SLC12A2: variants seen among roughly 807,000 people sequenced by gnomAD.
SLC12A2 encodes Na-K-2Cl cotransporter 1.
Under a neutral mutation model 136.3 loss-of-function variants are expected in SLC12A2, and 67 were observed. The observed-to-expected ratio is 0.49, with a 90% CI of 0.40 to 0.60. The LOEUF is 0.60. SLC12A2 is among the 20% of genes least tolerant of loss of function. The pLI is 0.00. For missense variants in SLC12A2, 1,322 were observed against 1,534.7 expected (o/e 0.86, Z 2.32); for synonymous variants, 619 against 562.9 (o/e 1.10, Z -1.41).
rs70997362 is a variant in SLC12A2 at position 128,102,596 on chromosome 5, C to CTTTTTTTTTTTTTTTTTTTTTTTT, written c.757-10210_757-10187dup. Among the ~76,000 whole-genome samples, 3 of 40,464 alleles carry CTTTTTTTTTTTTTTTTTTTTTTTT rather than the reference C, an allele frequency of 7.4e-5. 1 individual carries two copies. Among genetic ancestry groups the CTTTTTTTTTTTTTTTTTTTTTTTT allele is most frequent in the Non-Finnish European group, 1.5e-4 (3 of 20,548 alleles). The allele number at this position is 40,464 out of a possible 152,430, so 26.5% of individuals were successfully genotyped here. ...TTCTGTAATTCACCCCCCCCCCCGCCTTTTTTTTTTTTTTTTTTTTTTTTT... is the reference window on the plus strand; with the variant it reads ...TTCTGTAATTCACCCCCCCCCCCGCCTTTTTTTTTTTTTTTTTTTTTTTTTTTTTTTTTTTTTTTTTTTTTTTTT... On this transcript the variant is annotated intron_variant, in intron 1 of 26. Transcript: ENST00000262461.
At chr5:128,151,139 C>T (rs1581114894) in intron 13 of SLC12A2, 102 bp from the exon 14 acceptor site, 7 of 969,136 alleles carry the variant, frequency 7.2e-6, no homozygotes, top group Admixed American at 2.7e-5. Flanking sequence ...AAAGTCCTCT[C>T]AGTGTGGCAA....
chr5:128,122,745 C>A (rs1007675562), intron 4 of SLC12A2, among the ~76,000 whole-genome samples: 2 of 152,046 alleles, frequency 1.3e-5, no homozygotes, highest in African/African-American at 4.8e-5. Context: ...TTTGAAAAAT[C>A]AGATTATCAT....
intron 1 of SLC12A2, among the ~76,000 whole-genome samples, chr5:128,089,880 T>C (rs1760247256): frequency 6.6e-6 from 1 of 152,184 alleles, no homozygotes; most frequent in African/African-American, 2.4e-5. Context: ...ATCATTTCAG[T>C]GTATAGCTTT....
intron 9 of SLC12A2, 45 bp from the exon 10 acceptor site, chr5:128,141,785 A>T: frequency 2.6e-6 from 4 of 1,531,428 alleles, no homozygotes; most frequent in Non-Finnish European, 3.5e-6. Context: ...TCTGAAATGA[A>T]TGTAGATATT....
intron 20 of SLC12A2, among the ~76,000 whole-genome samples, chr5:128,175,938 T>C (rs1191425617): frequency 1.3e-5 from 2 of 152,048 alleles, no homozygotes; most frequent in African/African-American, 4.8e-5. Context: ...TAATGATTCT[T>C]TTTCCATTAC....
At chr5:128,094,955 A>G (rs987825310) in intron 1 of SLC12A2, among the ~76,000 whole-genome samples, 27 of 152,194 alleles carry the variant, frequency 1.8e-4, no homozygotes, top group African/African-American at 6.5e-4. Context: ...GATTTCCATC[A>G]TCACAGAAAG....
At chr5:128,153,686 T>C (rs1762782159) in intron 15 of SLC12A2, among the ~76,000 whole-genome samples, 1 of 152,230 alleles carries the variant, frequency 6.6e-6, no homozygotes, top group African/African-American at 2.4e-5. Context: ...TGTTTATTAG[T>C]AAACCAAAAG....
At chr5:128,176,628 T>A (rs1449492331) in intron 20 of SLC12A2, among the ~76,000 whole-genome samples, 1 of 151,998 alleles carries the variant, frequency 6.6e-6, no homozygotes, top group African/African-American at 2.4e-5. Flanking sequence ...TGATCAAATT[T>A]CTTAATATTT....
chr5:128,180,221 C>T lies in SLC12A2; in HGVS notation c.3101-662C>T, dbSNP rs558006522. 9.2e-5 allele frequency among the ~76,000 whole-genome samples: 14 copies of T among 152,032 alleles called. No homozygotes were observed. The South Asian group carries it at 2.9e-3, about 32-fold the overall frequency. On this transcript the variant is annotated intron_variant, in intron 22 of 26. Transcript: ENST00000262461. ...TCCTGACCTCGTGATCCACCCACCT[C>T]GGCCTCCCAAAGTGCTGGGATTACA...
Position 128,186,763 on chromosome 5 carries a change from G to A in SLC12A2, c.*132G>A. ...CTTTCACGATTTCATTAATTTGAAA[G>A]CACACAGGAAAGTTGCTCCATTGAT... On this transcript the variant is annotated 3_prime_UTR_variant, in exon 27 of 27. Transcript: ENST00000262461. The A allele has an allele frequency of 1.0e-6, 1 of 998,942 alleles. No individual in the cohort carries two copies. The highest frequency in any genetic ancestry group is 1.5e-6 in the Non-Finnish European group (1 of 679,156). The allele number at this position is 998,942 out of a possible 1,614,324, so 61.9% of individuals were successfully genotyped here.
chr5:128,100,588 GA>G (rs1262309043), intron 1 of SLC12A2, among the ~76,000 whole-genome samples: 2 of 152,112 alleles, frequency 1.3e-5, no homozygotes, highest in African/African-American at 4.8e-5. Context: ...ATTCCTGTGA[GA>G]AATACATGAA....
rs1253923515 is a variant in SLC12A2 at position 128,188,748 on chromosome 5, A to C, written c.*2117A>C. 1 of 152,286 alleles carries C rather than the reference A, an allele frequency of 6.6e-6. No homozygotes were observed. The highest frequency in any genetic ancestry group is 1.5e-5 in the Non-Finnish European group (1 of 67,968). 9.4% of individuals were successfully genotyped at this position (152,286 alleles called of 1,614,324 possible). A position where few individuals can be genotyped will look rare whatever the true frequency, so the allele number is the denominator to read the frequency against. On this transcript the variant is annotated 3_prime_UTR_variant, in exon 27 of 27. Coordinates refer to ENST00000262461, the MANE Select transcript of SLC12A2 (RefSeq NM_001046.3). The stretch of plus-strand genomic sequence containing the variant: ...AACTGATTTTCTAAAAAAAAAAAAA[A>C]AAAAAATTTCTACATTATAACTCAC...
chr5:128,145,212 CA>C (rs1243746113), intron 10 of SLC12A2, among the ~76,000 whole-genome samples: 2 of 152,070 alleles, frequency 1.3e-5, no homozygotes, highest in Non-Finnish European at 2.9e-5. Flanking sequence ...GTTTCCTCAA[CA>C]TGGAAGAGGA....
chr5:128,140,708 A>C (rs1017025801), intron 9 of SLC12A2, among the ~76,000 whole-genome samples: 3 of 150,272 alleles, frequency 2.0e-5, no homozygotes, highest in South Asian at 4.2e-4. Flanking sequence ...TTCCCCCCCC[A>C]AAAAATTTCA....
At position 128,189,577 on chromosome 5, in the gene SLC12A2, C is replaced by T. The variant is rs1763978831; in HGVS notation, c.*2946C>T. ...AATATTTTGATAATACTGTAATATA[C>T]CTGTCACACAAATGCTTTTCTAATG... On this transcript the variant is annotated 3_prime_UTR_variant, in exon 27 of 27. Transcript: ENST00000262461. 1 of 152,528 alleles carries T rather than the reference C, an allele frequency of 6.6e-6. No individual in the cohort carries two copies. Among genetic ancestry groups the T allele is most frequent in the Admixed American group, 6.6e-5 (1 of 15,260 alleles). 9.4% of individuals were successfully genotyped at this position (152,528 alleles called of 1,614,324 possible). A position where few individuals can be genotyped will look rare whatever the true frequency, so the allele number is the denominator to read the frequency against.
chr5:128,140,500 C>G (rs1441461035), intron 9 of SLC12A2, among the ~76,000 whole-genome samples: 1 of 152,152 alleles, frequency 6.6e-6, no homozygotes, highest in Admixed American at 6.5e-5. Flanking sequence ...TATGTTTTAA[C>G]TTGTAAAATA....
rs184846814 is a variant in SLC12A2 at position 128,181,524 on chromosome 5, T to C, written c.3212+530T>C. ...TGCATAATCTTCAACCTAATTAATA[T>C]GTATATTGTACACATTATGGGTCAA... is the stretch of plus-strand genomic sequence containing the variant. On this transcript the variant is annotated intron_variant, in intron 23 of 26. Transcript: ENST00000262461. Among the ~76,000 whole-genome samples the C allele has an allele frequency of 6.6e-5, 10 of 152,282 alleles. No homozygotes were observed. The East Asian group carries it at 1.9e-3, about 29-fold the overall frequency.
At chr5:128,111,127 T>C in intron 1 of SLC12A2, 1 of 429,966 alleles carries the variant, frequency 2.3e-6, no homozygotes, top group Non-Finnish European at 4.3e-6. Flanking sequence ...ATAACGTTTC[T>C]ACTTATGCAG....
At chr5:128,128,805 TAA>T (rs74617853) in intron 4 of SLC12A2, among the ~76,000 whole-genome samples, 9 of 138,366 alleles carry the variant, frequency 6.5e-5, no homozygotes, top group African/African-American at 1.8e-4. Context: ...GGTAGATCTT[TAA>T]AAAAAAAAAA....
Sources: gnomAD v4.1 joint callset for allele counts (sites outside exome capture counted in the v4.1 genomes callset) on GRCh38, gnomAD v4.1.1 for gene constraint, MANE v1.5 for transcripts, NCBI Gene and HGNC (gene_info 2026-07-23, HGNC 2026-07-21) for gene names.